DPP6: variants seen among roughly 807,000 people sequenced by gnomAD.
DPP6 encodes the protein dipeptidyl peptidase like 6, also known as A-type potassium channel modulatory protein DPP6.
DPP6 carries 69 observed loss-of-function variants against 122.6 expected under a neutral mutation model. The observed-to-expected ratio is 0.56, with a 90% confidence interval of 0.46 to 0.69. The LOEUF (loss-of-function observed/expected upper bound fraction) is 0.69, where lower values mean the gene tolerates loss of function less well. DPP6 is among the 30% of genes least tolerant of loss of function. The pLI, the probability that DPP6 is intolerant of heterozygous loss-of-function variation, is 0.00. For synonymous variants in DPP6, 418 were observed against 433.1 expected (o/e 0.97, Z 0.43); for missense variants, 928 against 1,116.9 (o/e 0.83, Z 2.41).
At chr7:154,491,209 G>C (rs1279556409) in intron 3 of DPP6, among the ~76,000 whole-genome samples, 1 of 152,046 alleles carries the variant, frequency 6.6e-6, no homozygotes, top group Non-Finnish European at 1.5e-5. Context: ...CAAATTGTTG[G>C]GTTTTAAAAA....
At chr7:154,349,157 T>A (rs1163768715) in intron 1 of DPP6, among the ~76,000 whole-genome samples, 1 of 152,108 alleles carries the variant, frequency 6.6e-6, no homozygotes, top group Non-Finnish European at 1.5e-5. Flanking sequence ...TTTTTGTTGT[T>A]GTTGTTGTTT....
intron 1 of DPP6, among the ~76,000 whole-genome samples, chr7:154,314,367 T>G (rs1044118690): frequency 6.6e-6 from 1 of 152,264 alleles, no homozygotes; most frequent in Non-Finnish European, 1.5e-5. Context: ...TACTTGAATC[T>G]TCTTATTTTC....
intron 1 of DPP6, among the ~76,000 whole-genome samples, chr7:154,324,987 C>T (rs1027985195): frequency 6.6e-6 from 1 of 151,286 alleles, no homozygotes; most frequent in Admixed American, 6.6e-5. Context: ...CACTCAGCCT[C>T]CCGAGTAGCT....
chr7:154,058,563 G>A (rs867494683), intron 1 of DPP6: 3 of 149,500 alleles, frequency 2.0e-5, no homozygotes, highest in Non-Finnish European at 4.5e-5. Context: ...ATCGCAGAGG[G>A]GGGACGCACC....
intron 3 of DPP6, among the ~76,000 whole-genome samples, chr7:154,531,901 A>T (rs1827866408): frequency 6.6e-6 from 1 of 152,158 alleles, no homozygotes; most frequent in Admixed American, 6.5e-5. Context: ...AAAAAAGCTA[A>T]TGCAAAGAAA....
At chr7:154,475,064 A>T in intron 3 of DPP6, 27 bp downstream of exon 3, 1 of 1,559,344 alleles carries the variant, frequency 6.4e-7, no homozygotes, top group Non-Finnish European at 8.8e-7. Context: ...CGTGCACAAG[A>T]CATCGCTTCC....
intron 1 of DPP6, among the ~76,000 whole-genome samples, chr7:154,426,108 C>A (rs762301941): frequency 6.6e-6 from 1 of 152,062 alleles, no homozygotes; most frequent in South Asian, 2.1e-4. Flanking sequence ...ATTTATGATG[C>A]GAGATTTGAT....
intron 4 of DPP6, among the ~76,000 whole-genome samples, chr7:154,557,747 G>A (rs967089153): frequency 2.0e-4 from 31 of 151,962 alleles, no homozygotes; most frequent in Non-Finnish European, 4.1e-4. Flanking sequence ...CATCCCGTGG[G>A]CTTTCTGCGT....
In DPP6 at chr7:154,853,788, G is replaced by A; in HGVS notation, c.1675G>A (p.Val559Ile). The A allele has an allele frequency of 6.2e-7, 1 of 1,613,852 alleles. No homozygotes were observed. Among genetic ancestry groups the A allele is most frequent in the Middle Eastern group, 1.7e-4 (1 of 6,060 alleles). ...TTCTCTACCCAACACAGGTCCTGGT[G>A]TTCCTATGGTGACGGTGCACAACAC... ...FFLLKCEGPG[V>I]PMVTVHNTTD... Residue 559 changes from valine to isoleucine, a missense_variant, in exon 17 of 26, where the codon GTT becomes ATT. By Grantham distance (29) the Val-to-Ile change is conservative. Coordinates refer to ENST00000377770, the MANE Select transcript of DPP6 (RefSeq NM_130797.4).
chr7:154,184,044 C>T lies in DPP6; in HGVS notation c.243+130981C>T, dbSNP rs544177386. On this transcript the variant is annotated intron_variant, in intron 1 of 25. Coordinates refer to ENST00000377770, the MANE Select transcript of DPP6 (RefSeq NM_130797.4). ...TATTTTTCTGAGTAGCCAAACTTAG[C>T]GGTCAGCATTTAGCCTTTATCCACA... 2.0e-5 allele frequency among the ~76,000 whole-genome samples: 3 copies of T among 152,214 alleles called. No individual in the cohort carries two copies. In the South Asian group the frequency reaches 6.2e-4, roughly 31 times the overall value.
At chr7:153,918,738 G>A (rs1800493928) in intron 1 of DPP6, among the ~76,000 whole-genome samples, 1 of 152,010 alleles carries the variant, frequency 6.6e-6, no homozygotes, top group African/African-American at 2.4e-5. Flanking sequence ...CCAGCACTTT[G>A]AGAGGCCCAC....
chr7:154,376,026 C>T (rs976209108), intron 1 of DPP6, among the ~76,000 whole-genome samples: 2 of 152,192 alleles, frequency 1.3e-5, no homozygotes, highest in African/African-American at 4.8e-5. Context: ...CTGACCCCAC[C>T]ACTGGTAGCT....
At chr7:154,336,300 G>A (rs923006491) in intron 1 of DPP6, among the ~76,000 whole-genome samples, 4 of 152,128 alleles carry the variant, frequency 2.6e-5, no homozygotes, top group Admixed American at 6.5e-5. Flanking sequence ...GAAGATGCAC[G>A]GCGTCTCATC....
chr7:154,796,041 C>G (rs1798034294), intron 12 of DPP6, 158 bp downstream of exon 12: 1 of 1,190,168 alleles, frequency 8.4e-7, no homozygotes, highest in African/African-American at 1.6e-5. Flanking sequence ...CTCACGGTGC[C>G]TCCCGTTCTC....
intron 7 of DPP6, among the ~76,000 whole-genome samples, chr7:154,696,742 C>A (rs899795718): frequency 6.6e-6 from 1 of 152,322 alleles, no homozygotes; most frequent in East Asian, 1.9e-4. Context: ...GGATGTGACT[C>A]ATACTATGCG....
chr7:154,522,098 G>A (rs773070923), intron 3 of DPP6, among the ~76,000 whole-genome samples: 16 of 152,006 alleles, frequency 1.1e-4, no homozygotes, highest in Non-Finnish European at 2.1e-4. Flanking sequence ...CGGGTAGCTG[G>A]GACTACAGGC....
intron 10 of DPP6, among the ~76,000 whole-genome samples, chr7:154,775,493 G>A (rs1796505931): frequency 6.6e-6 from 1 of 152,102 alleles, no homozygotes; most frequent in South Asian, 2.1e-4. Context: ...ATTTTTAAAT[G>A]GTCAAATTGT....
chr7:154,247,084 C>T (rs554509346), intron 1 of DPP6, among the ~76,000 whole-genome samples: 1 of 152,216 alleles, frequency 6.6e-6, no homozygotes, highest in Admixed American at 6.5e-5. Context: ...GGGCCGAGGT[C>T]AGCGGATCAT....
At chr7:153,937,437 CTTTTTTTTTTTTTT>C (rs201001951) in intron 1 of DPP6, among the ~76,000 whole-genome samples, 5 of 115,470 alleles carry the variant, frequency 4.3e-5, no homozygotes, top group South Asian at 2.8e-4. Flanking sequence ...TCAGAGCTAA[CTTTTTTTTTTTTTT>C]TTTTTTTTTT....
Sources: gnomAD v4.1 joint callset for allele counts (sites outside exome capture counted in the v4.1 genomes callset) on GRCh38, gnomAD v4.1.1 for gene constraint, MANE v1.5 for transcripts, NCBI Gene and HGNC (gene_info 2026-07-23, HGNC 2026-07-21) for gene names.